HLF: variants seen among roughly 807,000 people sequenced by gnomAD.
HLF encodes HLF transcription factor, PAR bZIP family member.
A neutral mutation model predicts 22.6 loss-of-function variants in HLF; 3 were observed. That is an observed-to-expected ratio of 0.13 (90% CI 0.06 to 0.34). The LOEUF (loss-of-function observed/expected upper bound fraction) is 0.34. Among genes scored for constraint, HLF ranks in the 10% least tolerant of loss-of-function variants. The probability of loss-of-function intolerance (pLI) is 1.00; values close to 1 mark genes in which losing one functional copy is unlikely to be tolerated. For synonymous variants in HLF, 151 were observed against 151.8 expected (o/e 0.99, Z 0.04); for missense variants, 299 against 389.2 (o/e 0.77, Z 1.95).
At chr17:55,282,827 T>C (rs917247091) in intron 2 of HLF, among the ~76,000 whole-genome samples, 3 of 152,196 alleles carry the variant, frequency 2.0e-5, no homozygotes, top group Admixed American at 6.5e-5. Flanking sequence ...AGCCAAGTAG[T>C]AGATGGATTA....
chr17:55,294,832 C>G (rs1460916474), intron 2 of HLF, among the ~76,000 whole-genome samples: 1 of 152,200 alleles, frequency 6.6e-6, no homozygotes, highest in Non-Finnish European at 1.5e-5. Flanking sequence ...TCTATATCCT[C>G]CCTTTTAAAA....
chr17:55,272,483 C>T (rs764724800), intron 2 of HLF: 20 of 151,888 alleles, frequency 1.3e-4, no homozygotes, highest in Non-Finnish European at 2.5e-4. Context: ...GTTCTGAGCA[C>T]GGAGACTGGG....
At chr17:55,314,043 G>C (rs1290753412) in intron 2 of HLF, among the ~76,000 whole-genome samples, 2 of 152,194 alleles carry the variant, frequency 1.3e-5, no homozygotes, top group Admixed American at 6.5e-5. Context: ...TGAGGAAGAG[G>C]GGGAGATGGG....
intron 2 of HLF, among the ~76,000 whole-genome samples, chr17:55,275,692 C>T (rs1407118675): frequency 6.6e-6 from 1 of 152,210 alleles, no homozygotes; most frequent in Non-Finnish European, 1.5e-5. Flanking sequence ...TTGATTGTCT[C>T]TTCTGCAAAG....
intron 2 of HLF, among the ~76,000 whole-genome samples, chr17:55,304,551 G>T (rs1348270825): frequency 6.6e-6 from 1 of 152,244 alleles, no homozygotes; most frequent in Non-Finnish European, 1.5e-5. Context: ...GAGAGGCCTT[G>T]TTAATCCAGC....
intron 2 of HLF, among the ~76,000 whole-genome samples, chr17:55,306,946 G>T (rs1598405823): frequency 6.6e-6 from 1 of 152,038 alleles, no homozygotes; most frequent in African/African-American, 2.4e-5. Context: ...GGCATCTGCT[G>T]CTGTGGCCTT....
intron 2 of HLF, among the ~76,000 whole-genome samples, chr17:55,284,517 G>T (rs1023271211): frequency 5.3e-5 from 8 of 152,306 alleles, no homozygotes; most frequent in Non-Finnish European, 1.0e-4. Flanking sequence ...GCTCACCTGG[G>T]CCTGGGAGTC....
At position 55,268,082 on chromosome 17, in the gene HLF, A is replaced by G. The variant is rs767497126; in HGVS notation, c.447A>G (p.Arg149=). The change falls in exon 2 of 4, where the codon AGA becomes AGG. Residue 149 remains arginine, a synonymous_variant. Coordinates refer to ENST00000226067, the MANE Select transcript of HLF (RefSeq NM_002126.5). ...PSPNCMQSPI[R]PGQLLPANRN... is the part of the protein sequence containing the mutation. ...CGAACTGTATGCAGAGCCCCATCAG[A>G]CCAGGTAAGTGCCCTGAAGATTCTC... is the stretch of plus-strand genomic sequence containing the variant. 13 of 1,544,890 alleles carry G rather than the reference A, an allele frequency of 8.4e-6. No individual in the cohort carries two copies. Among genetic ancestry groups the G allele is most frequent in the Non-Finnish European group, 1.1e-5 (13 of 1,145,964 alleles).
intron 2 of HLF, chr17:55,272,234 C>G (rs1207313632): frequency 6.6e-6 from 1 of 152,244 alleles, no homozygotes; most frequent in Non-Finnish European, 1.5e-5. Flanking sequence ...CGAATATGTG[C>G]TGGGTACTGG....
At position 55,320,804 on chromosome 17, in the gene HLF, G is replaced by A. The variant is rs1246958002; in HGVS notation, c.813G>A (p.Val271=). 6.2e-7 allele frequency: 1 copy of A among 1,613,964 alleles called. No individual in the cohort carries two copies. The highest frequency in any genetic ancestry group is 1.3e-5 in the African/African-American group (1 of 75,070). Residue 271 remains valine (V), a synonymous_variant, in exon 4 of 4, where the codon GTG becomes GTA. Coordinates refer to ENST00000226067, the MANE Select transcript of HLF (RefSeq NM_002126.5). The surrounding 1 kb of genome is among the most constrained non-coding windows in gnomAD (Gnocchi z 4.2). ...AGAACTCGGCCCTCCGCCAGGAGGT[G>A]GCTGACTTGAGGAAGGAGCTGGGCA... The part of the protein sequence containing the change: ...EKENSALRQE[V]ADLRKELGKC...
Position 55,268,704 on chromosome 17 carries a change from C to T in HLF, c.451+618C>T, listed in dbSNP as rs186773146. Reference sequence around the variant, plus strand: ...CTTCAGGACCAGACTCCATCTCTCTCGTTGCTATTCCCATAAACCCAACTG... The same window carrying T: ...CTTCAGGACCAGACTCCATCTCTCTTGTTGCTATTCCCATAAACCCAACTG... On this transcript the variant is annotated intron_variant, in intron 2 of 3. Transcript: ENST00000226067. Among the ~76,000 whole-genome samples the T allele has an allele frequency of 2.8e-3, 418 of 151,394 alleles. 6 individuals are homozygous for T. The South Asian group carries it at 0.037, about 13-fold the overall frequency.
intron 2 of HLF, among the ~76,000 whole-genome samples, chr17:55,270,730 A>G (rs373286985): frequency 1.0e-4 from 14 of 139,316 alleles, no homozygotes; most frequent in South Asian, 4.4e-4. Flanking sequence ...GCGCGATCTC[A>G]GCTCACTGCA....
intron 2 of HLF, among the ~76,000 whole-genome samples, chr17:55,287,266 C>T (rs1021351397): frequency 1.3e-5 from 2 of 152,190 alleles, no homozygotes; most frequent in Non-Finnish European, 2.9e-5. Context: ...TCCCCCTTCC[C>T]CTTGTAAATA....
rs1905284947 is a variant in HLF, at chr17:55,322,250, A to G, written c.*1371A>G. 1 of 198,434 alleles carries G rather than the reference A, an allele frequency of 5.0e-6. No individual in the cohort carries two copies. Among genetic ancestry groups the G allele is most frequent in the Non-Finnish European group, 1.0e-5 (1 of 95,692 alleles). The allele number at this position is 198,434 out of a possible 1,614,324, so 12.3% of individuals were successfully genotyped here. A position where few individuals can be genotyped will look rare whatever the true frequency, so the allele number is the denominator to read the frequency against. Reference sequence around the variant, plus strand: ...AAACTGTGGTTAATCCAATCAATTTAAATGTTTACTATAGACCAAAAGGAG... The same window carrying G: ...AAACTGTGGTTAATCCAATCAATTTGAATGTTTACTATAGACCAAAAGGAG... On this transcript the variant is annotated 3_prime_UTR_variant, in exon 4 of 4. Coordinates refer to ENST00000226067, the MANE Select transcript of HLF (RefSeq NM_002126.5).
intron 2 of HLF, among the ~76,000 whole-genome samples, chr17:55,270,894 G>A (rs531432295): frequency 5.9e-5 from 9 of 152,026 alleles, no homozygotes; most frequent in South Asian, 2.1e-4. Flanking sequence ...CGCCCGCCTC[G>A]GCCTCCCAAA....
At chr17:55,318,037 C>A (rs1158131365) in intron 3 of HLF, among the ~76,000 whole-genome samples, 1 of 152,158 alleles carries the variant, frequency 6.6e-6, no homozygotes, top group Non-Finnish European at 1.5e-5. Flanking sequence ...TGATACTGTT[C>A]CTGCCTTCAT....
chr17:55,287,937 G>T (rs1335349584), intron 2 of HLF, among the ~76,000 whole-genome samples: 1 of 152,146 alleles, frequency 6.6e-6, no homozygotes, highest in African/African-American at 2.4e-5. Flanking sequence ...CATTAGAAAT[G>T]GTTTGAAATG....
At chr17:55,314,609 G>A (rs1904990126) in intron 2 of HLF, among the ~76,000 whole-genome samples, 1 of 152,162 alleles carries the variant, frequency 6.6e-6, no homozygotes. Flanking sequence ...GATTCAATGT[G>A]ACAGCTACCC....
intron 2 of HLF, among the ~76,000 whole-genome samples, chr17:55,298,685 G>A (rs539495629): frequency 6.6e-6 from 1 of 152,306 alleles, no homozygotes; most frequent in Non-Finnish European, 1.5e-5. Context: ...ATAAATATGT[G>A]TGAAAATTTA....
Sources: allele counts gnomAD v4.1 joint callset (sites outside exome capture counted in the v4.1 genomes callset), GRCh38; gene constraint gnomAD v4.1.1; non-coding constraint Gnocchi (gnomAD v3.1); transcripts MANE v1.5; gene names NCBI Gene and HGNC (gene_info 2026-07-23, HGNC 2026-07-21).